Variants in TEAD1 observed in about 807,000 individuals in gnomAD.
The protein encoded by TEAD1 is transcriptional enhancer factor TEF-1.
TEAD1 carries 9 observed loss-of-function variants against 54.9 expected under a neutral mutation model. The observed-to-expected ratio is 0.16, with a 90% confidence interval of 0.10 to 0.29. The LOEUF (loss-of-function observed/expected upper bound fraction) is 0.29, where lower values mean the gene tolerates loss of function less well. Ranked by LOEUF, TEAD1 falls within the 10% of genes least tolerant of loss-of-function variation. The pLI is 1.00. For synonymous variants in TEAD1, 200 were observed against 187.8 expected (o/e 1.07, Z -0.53); for missense variants, 387 against 535.9 (o/e 0.72, Z 2.74).
intron 10 of TEAD1, among the ~76,000 whole-genome samples, chr11:12,907,254 C>T (rs992905557): frequency 4.6e-5 from 7 of 152,172 alleles, no homozygotes; most frequent in Non-Finnish European, 7.4e-5. Flanking sequence ...GCTTCAGGTG[C>T]ATTGAGGTGT....
chr11:12,877,231 C>T (rs1947869250), intron 5 of TEAD1, among the ~76,000 whole-genome samples: 1 of 152,144 alleles, frequency 6.6e-6, no homozygotes, highest in South Asian at 2.1e-4. Context: ...CTTCTAGGGC[C>T]CTTGGAGTGT....
At position 12,941,576 on chromosome 11, in the gene TEAD1, T is replaced by C. The variant is rs553746669; in HGVS notation, c.*4354T>C. The stretch of plus-strand genomic sequence containing the variant: ...AATTTGTATAATTTTGTATATGCTC[T>C]GGTACACTACCTGAACTAACGAAGG... On this transcript the variant is annotated 3_prime_UTR_variant, in exon 13 of 13. Coordinates refer to ENST00000527636, the MANE Select transcript of TEAD1 (RefSeq NM_021961.6). 1.3e-5 allele frequency: 2 copies of C among 152,786 alleles called. No individual in the cohort carries two copies. Among genetic ancestry groups the C allele is most frequent in the Admixed American group, 1.3e-4 (2 of 15,302 alleles). The allele number at this position is 152,786 out of a possible 1,614,324, so 9.5% of individuals were successfully genotyped here.
intron 3 of TEAD1, among the ~76,000 whole-genome samples, chr11:12,831,294 TCTC>T (rs1946775423): frequency 6.6e-6 from 1 of 152,118 alleles, no homozygotes; most frequent in Non-Finnish European, 1.5e-5. Flanking sequence ...AGCTTGTCCT[TCTC>T]CTGCCCCCTC....
chr11:12,879,613 T>C, intron 5 of TEAD1, 95 bp from the exon 6 acceptor site: 3 of 1,527,242 alleles, frequency 2.0e-6, no homozygotes, highest in South Asian at 1.1e-5. Context: ...TTTGTGGCTC[T>C]GTATTTTAGT....
intron 3 of TEAD1, among the ~76,000 whole-genome samples, chr11:12,776,940 A>G (rs1400215059): frequency 6.6e-6 from 1 of 151,920 alleles, no homozygotes; most frequent in Non-Finnish European, 1.5e-5. Flanking sequence ...GATTACAGGC[A>G]TGCACCACCA....
rs535223946 is a variant in TEAD1 at position 12,815,647 on chromosome 11, G to A, written c.203-46603G>A. The stretch of plus-strand genomic sequence containing the variant: ...GTAGCTTCAATGATTGGGTGATGAC[G>A]ATTGGACTAAATTGTAATCTGGGCA... On this transcript the variant is annotated intron_variant, in intron 3 of 12. Transcript: ENST00000527636. Among the ~76,000 whole-genome samples, 8 of 152,316 alleles carry A rather than the reference G, an allele frequency of 5.3e-5. No individual in the cohort carries two copies. The East Asian group carries it at 9.6e-4, about 18-fold the overall frequency.
intron 3 of TEAD1, among the ~76,000 whole-genome samples, chr11:12,826,453 C>T (rs1223909897): frequency 1.3e-5 from 2 of 152,094 alleles, no homozygotes; most frequent in African/African-American, 4.8e-5. Context: ...TGGTTTTTGT[C>T]CTGCAAATAA....
intron 11 of TEAD1, among the ~76,000 whole-genome samples, chr11:12,928,464 T>C (rs1008079981): frequency 2.0e-5 from 3 of 151,998 alleles, no homozygotes; most frequent in Non-Finnish European, 4.4e-5. Flanking sequence ...TGTATTGTTT[T>C]GTAGAAATGT....
intron 2 of TEAD1, among the ~76,000 whole-genome samples, chr11:12,739,193 ATTCT>A (rs1216358805): frequency 6.8e-4 from 100 of 147,442 alleles, no homozygotes; most frequent in African/African-American, 2.0e-3. Flanking sequence ...TTGAGGTCTC[ATTCT>A]TTCTATCTAT....
At chr11:12,760,098 T>C (rs1296119116) in intron 2 of TEAD1, among the ~76,000 whole-genome samples, 1 of 152,200 alleles carries the variant, frequency 6.6e-6, no homozygotes, top group African/African-American at 2.4e-5. Context: ...TAAATCAGTT[T>C]CCCAAAGTAA....
rs544758374 is a variant in TEAD1, at chr11:12,871,033, A to C, written c.330+6133A>C. Among the ~76,000 whole-genome samples the C allele has an allele frequency of 5.4e-4, 82 of 152,278 alleles. 1 individual carries two copies. In the South Asian group the frequency reaches 0.017, roughly 31 times the overall value. On this transcript the variant is annotated intron_variant, in intron 5 of 12. Coordinates refer to ENST00000527636, the MANE Select transcript of TEAD1 (RefSeq NM_021961.6). Reference sequence around the variant, plus strand: ...TACTCAGACAAAACCCTTTTGACCCACTGCTCTCAAGGGGGTAGGTTTTAT... The same window carrying C: ...TACTCAGACAAAACCCTTTTGACCCCCTGCTCTCAAGGGGGTAGGTTTTAT...
chr11:12,771,779 C>G (rs1945316098), intron 3 of TEAD1, among the ~76,000 whole-genome samples: 1 of 152,094 alleles, frequency 6.6e-6, no homozygotes, highest in East Asian at 1.9e-4. Context: ...CCCAGGCTCA[C>G]AATTTATCAA....
chr11:12,707,826 T>C (rs562820439), intron 2 of TEAD1, among the ~76,000 whole-genome samples: 13 of 152,332 alleles, frequency 8.5e-5, no homozygotes, highest in Non-Finnish European at 1.8e-4. Flanking sequence ...GTCAACTCTG[T>C]TTAAGGAAAC....
intron 3 of TEAD1, among the ~76,000 whole-genome samples, chr11:12,790,984 A>T (rs932795174): frequency 6.6e-6 from 1 of 152,228 alleles, no homozygotes; most frequent in African/African-American, 2.4e-5. Context: ...GAGCAATTCT[A>T]TTTCTAGGTA....
chr11:12,831,590 T>C (rs1470775682), intron 3 of TEAD1, among the ~76,000 whole-genome samples: 1 of 152,160 alleles, frequency 6.6e-6, no homozygotes, highest in East Asian at 1.9e-4. Flanking sequence ...TCCACCTGGC[T>C]GATATAGTGA....
At chr11:12,697,101 A>T (rs1423299934) in intron 2 of TEAD1, among the ~76,000 whole-genome samples, 1 of 152,108 alleles carries the variant, frequency 6.6e-6, no homozygotes, top group African/African-American at 2.4e-5. Context: ...TTGGCTGAGC[A>T]CGGGGAAAGC....
At chr11:12,865,621 T>C (rs1361779910) in intron 5 of TEAD1, 1 of 152,182 alleles carries the variant, frequency 6.6e-6, no homozygotes, top group African/African-American at 2.4e-5. Flanking sequence ...AATTTTTTTT[T>C]ACTTGTACCT....
At chr11:12,908,885 T>TTTTGTTTTTTTTTTTTTTTTTTG (rs1948567848) in intron 10 of TEAD1, among the ~76,000 whole-genome samples, 1 of 145,320 alleles carries the variant, frequency 6.9e-6, no homozygotes, top group African/African-American at 2.5e-5. Flanking sequence ...AATTATCTGT[T>TTTTGTTTTTTTTTTTTTTTTTTG]TTTTTTTTTT....
chr11:12,792,156 GA>G (rs1945816242), intron 3 of TEAD1, among the ~76,000 whole-genome samples: 2 of 152,076 alleles, frequency 1.3e-5, no homozygotes, highest in Admixed American at 6.6e-5. Flanking sequence ...GTTGTTTGGT[GA>G]GTACCAAAAT....
Sources: allele counts gnomAD v4.1 joint callset (sites outside exome capture counted in the v4.1 genomes callset), GRCh38; gene constraint gnomAD v4.1.1; transcripts MANE v1.5; gene names NCBI Gene and HGNC (gene_info 2026-07-23, HGNC 2026-07-21).